The following VIPAS39 variants were observed in gnomAD, a reference collection of about 807,000 sequenced individuals.
VIPAS39 encodes the protein VPS33B interacting protein, apical-basolateral polarity regulator, spe-39 homolog, also known as spermatogenesis-defective protein 39 homolog.
In VIPAS39, 63 loss-of-function variants were observed where a neutral mutation model predicts 84.7. That is an observed-to-expected ratio of 0.74 (90% confidence interval 0.61 to 0.92). The LOEUF is 0.92. Ranked by LOEUF, VIPAS39 falls within the 40% of genes least tolerant of loss-of-function variation. The pLI is 0.00. For missense variants in VIPAS39, 499 were observed against 604.5 expected, an observed-to-expected ratio of 0.83 and a Z score of 1.83; for synonymous variants, 192 against 216.5, an observed-to-expected ratio of 0.89 and a Z score of 0.99.
intron 17 of VIPAS39, among the ~76,000 whole-genome samples, chr14:77,429,345 G>A (rs2078482647): frequency 6.6e-6 from 1 of 152,198 alleles, no homozygotes; most frequent in Non-Finnish European, 1.5e-5. Flanking sequence ...TGCCAGCAAT[G>A]AGTGCTCTAG....
At chr14:77,451,607 A>G (rs1359822562) in intron 3 of VIPAS39, among the ~76,000 whole-genome samples, 1 of 152,034 alleles carries the variant, frequency 6.6e-6, no homozygotes, top group Non-Finnish European at 1.5e-5. Context: ...TTTTAGAGAC[A>G]GGGTCTCACT....
intron 7 of VIPAS39, 115 bp from the exon 8 acceptor site, chr14:77,444,456 T>C (rs2078754509): frequency 2.1e-6 from 2 of 932,698 alleles, no homozygotes; most frequent in Non-Finnish European, 3.2e-6. Flanking sequence ...GAGAGTCTCT[T>C]TATTTTTACC....
intron 14 of VIPAS39, among the ~76,000 whole-genome samples, chr14:77,434,955 A>G (rs1163861223): frequency 6.6e-6 from 1 of 151,950 alleles, no homozygotes; most frequent in African/African-American, 2.4e-5. Flanking sequence ...GCTTTTCTCC[A>G]CATCATGCTA....
chr14:77,455,996 T>C (rs1169828215), intron 1 of VIPAS39, among the ~76,000 whole-genome samples: 1 of 152,252 alleles, frequency 6.6e-6, no homozygotes, highest in East Asian at 1.9e-4. Flanking sequence ...CTCTTAATTC[T>C]GAGCAAAGTG....
Position 77,443,898 on chromosome 14 carries a change from A to G in VIPAS39, c.597+351T>C, listed in dbSNP as rs2139829278. ...AAAAAAAAAAAAAAAAAAACTAGCC[A>G]GGAATGGTGGTATGCACCTGTGGTC... On this transcript the variant is annotated intron_variant, in intron 8 of 19. Coordinates refer to ENST00000557658, the MANE Select transcript of VIPAS39 (RefSeq NM_001193315.2). Among the ~76,000 whole-genome samples the G allele has an allele frequency of 2.0e-5, 3 of 149,754 alleles. No homozygotes were observed. In the South Asian group the frequency reaches 6.3e-4, roughly 32 times the overall value.
chr14:77,451,149 A>G (rs1479508114), intron 4 of VIPAS39, 38 bp downstream of exon 4: 1 of 1,614,032 alleles, frequency 6.2e-7, no homozygotes, highest in Non-Finnish European at 8.5e-7. Context: ...CTGGAAAAAG[A>G]GAAGGACTTC....
chr14:77,431,810 T>C (rs144767885), intron 16 of VIPAS39, among the ~76,000 whole-genome samples: 13 of 152,358 alleles, frequency 8.5e-5, no homozygotes, highest in Non-Finnish European at 1.5e-4. Context: ...ACACTATTCA[T>C]GAGATGTTAA....
At chr14:77,443,674 C>T (rs1404036295) in intron 8 of VIPAS39, among the ~76,000 whole-genome samples, 1 of 152,076 alleles carries the variant, frequency 6.6e-6, no homozygotes, top group East Asian at 1.9e-4. Flanking sequence ...GCTGGTGGAT[C>T]ACCTGAGGTC....
intron 1 of VIPAS39, among the ~76,000 whole-genome samples, chr14:77,455,819 C>T (rs552526308): frequency 6.6e-6 from 1 of 152,274 alleles, no homozygotes; most frequent in African/African-American, 2.4e-5. Context: ...CTATCTGGTC[C>T]CTTCTCACGG....
At chr14:77,445,698 G>C (rs146559800) in intron 7 of VIPAS39, among the ~76,000 whole-genome samples, 76 of 152,190 alleles carry the variant, frequency 5.0e-4, no homozygotes, top group African/African-American at 1.8e-3. Flanking sequence ...CAGCACTTTG[G>C]GAGGCCAAGG....
chr14:77,432,524 G>A (rs778107469), intron 16 of VIPAS39, among the ~76,000 whole-genome samples: 2 of 152,156 alleles, frequency 1.3e-5, no homozygotes, highest in African/African-American at 2.4e-5. Context: ...CAACCTAAGT[G>A]TCCATTGATG....
intron 3 of VIPAS39, among the ~76,000 whole-genome samples, chr14:77,452,284 A>G (rs1446519159): frequency 6.6e-6 from 1 of 152,196 alleles, no homozygotes; most frequent in Non-Finnish European, 1.5e-5. Flanking sequence ...ACTTTTCCAG[A>G]TGCAAAAAGA....
intron 17 of VIPAS39, 111 bp downstream of exon 17, chr14:77,429,570 G>A (rs756822480): frequency 1.9e-5 from 21 of 1,123,766 alleles, no homozygotes; most frequent in African/African-American, 3.1e-5. Flanking sequence ...CCATTGTGCT[G>A]CCTTTAAGGG....
At chr14:77,441,225 T>C (rs2078698611) in intron 10 of VIPAS39, 132 bp from the exon 11 acceptor site, 2 of 974,670 alleles carry the variant, frequency 2.1e-6, no homozygotes, top group Non-Finnish European at 3.2e-6. Context: ...AGATAAATGG[T>C]TGATCAGATA....
chr14:77,447,846 G>A (rs1041217035), intron 7 of VIPAS39, among the ~76,000 whole-genome samples: 2 of 147,774 alleles, frequency 1.4e-5, no homozygotes, highest in African/African-American at 5.0e-5. Context: ...ATTTTTAGTA[G>A]AGATGGGGTT....
chr14:77,444,285 C>G lies in VIPAS39; in HGVS notation c.561G>C (p.Glu187Asp). 6.2e-7 allele frequency: 1 copy of G among 1,613,886 alleles called. No individual in the cohort carries two copies. Among genetic ancestry groups the G allele is most frequent in the Non-Finnish European group, 8.5e-7 (1 of 1,179,818 alleles). The stretch of plus-strand genomic sequence containing the variant: ...CGTTTCCATCATGCATGCTTACTGC[C>G]TCTTCTAGGAGTTGTAGTTTGTCCT... Reference protein sequence around the residue: ...SLQDKLQLLEEAVSMHDGNVI... With the variant: ...SLQDKLQLLEDAVSMHDGNVI... Residue 187 changes from glutamate (E) to aspartate (D), a missense_variant, in exon 8 of 20, where the codon GAG becomes GAC. Coordinates refer to ENST00000557658, the MANE Select transcript of VIPAS39 (RefSeq NM_001193315.2).
intron 13 of VIPAS39, 28 bp from the exon 14 acceptor site, chr14:77,435,421 A>AT (rs1377778742): frequency 6.2e-7 from 1 of 1,610,404 alleles, no homozygotes; most frequent in East Asian, 2.2e-5. Flanking sequence ...AAGTGAAAAA[A>AT]AAAAAAAACA....
chr14:77,443,793 G>A (rs2078740246), intron 8 of VIPAS39, among the ~76,000 whole-genome samples: 1 of 151,788 alleles, frequency 6.6e-6, no homozygotes, highest in Non-Finnish European at 1.5e-5. Context: ...TACTTGGGAG[G>A]CTGAGGCAGG....
At chr14:77,434,874 G>A (rs969556801) in intron 14 of VIPAS39, among the ~76,000 whole-genome samples, 1 of 151,698 alleles carries the variant, frequency 6.6e-6, no homozygotes, top group African/African-American at 2.4e-5. Context: ...ACTCCAGCCT[G>A]GGCGACAGAG....
Sources: gnomAD v4.1 joint callset for allele counts (sites outside exome capture counted in the v4.1 genomes callset) on GRCh38, gnomAD v4.1.1 for gene constraint, MANE v1.5 for transcripts, NCBI Gene and HGNC (gene_info 2026-07-23, HGNC 2026-07-21) for gene names.